The following MANBA variants were observed in gnomAD, a reference collection of about 807,000 sequenced individuals.
MANBA encodes mannosidase beta, also known as beta-mannosidase.
MANBA carries 83 observed loss-of-function variants against 111.1 expected under a neutral mutation model. The observed-to-expected ratio is 0.75, with a 90% CI of 0.63 to 0.90. The LOEUF (loss-of-function observed/expected upper bound fraction) is 0.90, where lower values mean the gene tolerates loss of function less well. Among genes scored for constraint, MANBA ranks in the 40% least tolerant of loss-of-function variants. The pLI, the probability that MANBA is intolerant of heterozygous loss-of-function variation, is 0.00. For missense variants in MANBA, 1,036 were observed against 1,069.0 expected, an observed-to-expected ratio of 0.97 and a Z score of 0.43; for synonymous variants, 370 against 378.7, an observed-to-expected ratio of 0.98 and a Z score of 0.27.
intron 1 of MANBA, among the ~76,000 whole-genome samples, chr4:102,737,255 A>G (rs1405156556): frequency 6.6e-6 from 1 of 152,162 alleles, no homozygotes; most frequent in Non-Finnish European, 1.5e-5. Flanking sequence ...GGAAGAACAG[A>G]TATGAGCACA....
At chr4:102,746,680 T>C (rs1442973380) in intron 1 of MANBA, among the ~76,000 whole-genome samples, 1 of 152,130 alleles carries the variant, frequency 6.6e-6, no homozygotes, top group Admixed American at 6.5e-5. Flanking sequence ...CTATTAGAAA[T>C]AGAATTCTTA....
intron 1 of MANBA, among the ~76,000 whole-genome samples, chr4:102,742,253 C>T (rs185511491): frequency 1.3e-5 from 2 of 152,246 alleles, no homozygotes; most frequent in African/African-American, 2.4e-5. Flanking sequence ...CTGGTGGCAG[C>T]GTTTCTCCCT....
chr4:102,749,100 G>A (rs1288637234), intron 1 of MANBA, among the ~76,000 whole-genome samples: 1 of 151,622 alleles, frequency 6.6e-6, no homozygotes. Context: ...AACAACAGAC[G>A]TGAGAAAAAA....
chr4:102,723,757 A>G (rs1356099585), intron 3 of MANBA, 105 bp downstream of exon 3: 3 of 687,828 alleles, frequency 4.4e-6, no homozygotes, highest in Non-Finnish European at 7.8e-6. Flanking sequence ...TAATGAGCTC[A>G]TATTTGTCAC....
intron 2 of MANBA, 127 bp downstream of exon 2, chr4:102,726,462 T>TAAC (rs1282175051): frequency 1.4e-5 from 9 of 634,940 alleles, no homozygotes; most frequent in Middle Eastern, 2.7e-4. Context: ...ATATGTAACC[T>TAAC]AAACAAACAA....
chr4:102,699,073 G>A (rs1395920206), intron 5 of MANBA, among the ~76,000 whole-genome samples: 9 of 151,670 alleles, frequency 5.9e-5, no homozygotes, highest in South Asian at 2.1e-4. Flanking sequence ...GGTCCTTCAC[G>A]TCCCTTGTAA....
intron 10 of MANBA, chr4:102,666,560 CT>C (rs1208990816): frequency 3.3e-5 from 5 of 152,274 alleles, no homozygotes; most frequent in African/African-American, 1.2e-4. Flanking sequence ...AAGGAGGTGG[CT>C]CACAAGGGCA....
At chr4:102,689,550 A>G (rs776022216) in intron 7 of MANBA, 24 bp downstream of exon 7, 4 of 1,390,774 alleles carry the variant, frequency 2.9e-6, no homozygotes, top group Admixed American at 1.8e-5. Flanking sequence ...TTATTTCACA[A>G]AATATTTTAA....
intron 12 of MANBA, among the ~76,000 whole-genome samples, chr4:102,652,324 T>C (rs1730370855): frequency 1.3e-5 from 2 of 152,162 alleles, no homozygotes; most frequent in Non-Finnish European, 2.9e-5. Context: ...AGCTTTCACA[T>C]TGGAGTGTCC....
At chr4:102,688,129 A>G (rs563893811) in intron 7 of MANBA, among the ~76,000 whole-genome samples, 2 of 152,250 alleles carry the variant, frequency 1.3e-5, no homozygotes, top group Non-Finnish European at 2.9e-5. Flanking sequence ...GGAATGACTC[A>G]TTATTTTTTA....
chr4:102,728,803 C>A, intron 1 of MANBA: 1 of 919,904 alleles, frequency 1.1e-6, no homozygotes, highest in Non-Finnish European at 1.7e-6. Context: ...GGGTCTCGAT[C>A]TTCTTCACAA....
intron 5 of MANBA, 135 bp downstream of exon 5, chr4:102,714,303 T>C: frequency 1.1e-6 from 1 of 890,488 alleles, no homozygotes; most frequent in Non-Finnish European, 1.8e-6. Context: ...TTTTTTACTT[T>C]TATAAATTGA....
chr4:102,721,967 C>T (rs1722596320), intron 4 of MANBA, among the ~76,000 whole-genome samples: 2 of 143,398 alleles, frequency 1.4e-5, no homozygotes, highest in Middle Eastern at 3.6e-3. Context: ...AAGGTGGAGG[C>T]TGCGGTGAGT....
intron 5 of MANBA, among the ~76,000 whole-genome samples, chr4:102,708,626 T>A (rs1373648083): frequency 6.6e-6 from 1 of 151,024 alleles, no homozygotes; most frequent in Non-Finnish European, 1.5e-5. Flanking sequence ...AATCCAAAAT[T>A]AGAAGAAGAA....
intron 13 of MANBA, among the ~76,000 whole-genome samples, chr4:102,645,263 C>G (rs995034797): frequency 2.6e-5 from 4 of 151,944 alleles, no homozygotes; most frequent in African/African-American, 9.7e-5. Flanking sequence ...TGGATTGATA[C>G]CATTTTATTG....
At chr4:102,635,164 C>T in intron 15 of MANBA, 119 bp from the exon 16 acceptor site, 1 of 1,118,312 alleles carries the variant, frequency 8.9e-7, no homozygotes, top group Non-Finnish European at 1.3e-6. Flanking sequence ...GACTATGAAA[C>T]CTGAGTTTTA....
At chr4:102,748,381 G>A (rs1374263111) in intron 1 of MANBA, among the ~76,000 whole-genome samples, 1 of 152,018 alleles carries the variant, frequency 6.6e-6, no homozygotes, top group Admixed American at 6.6e-5. Context: ...GTACTGATCT[G>A]AAATGATGTC....
At chr4:102,689,359 AAT>A (rs1192229674) in intron 7 of MANBA, among the ~76,000 whole-genome samples, 61 of 100,436 alleles carry the variant, frequency 6.1e-4, no homozygotes, top group African/African-American at 1.2e-3. Context: ...AAAAAAAAAA[AAT>A]ATATATATAT....
At chr4:102,668,682 T>C (rs1182570227) in intron 10 of MANBA, 1 of 412,030 alleles carries the variant, frequency 2.4e-6, no homozygotes, top group Non-Finnish European at 4.6e-6. Context: ...TTCAGATGCC[T>C]GTTAAACCTC....
Sources: allele counts gnomAD v4.1 joint callset (sites outside exome capture counted in the v4.1 genomes callset), GRCh38; gene constraint gnomAD v4.1.1; transcripts MANE v1.5; gene names NCBI Gene and HGNC (gene_info 2026-07-23, HGNC 2026-07-21).